Variants in PRKD2 observed in about 807,000 individuals in gnomAD.
PRKD2 encodes the protein protein kinase D2.
A neutral mutation model predicts 86.0 loss-of-function variants in PRKD2; 22 were observed. The ratio of observed to expected loss-of-function variants is 0.26; its 90% CI spans 0.18 to 0.37. The LOEUF is 0.37. Among genes scored for constraint, PRKD2 ranks in the 10% least tolerant of loss-of-function variants. The pLI, the probability that PRKD2 is intolerant of heterozygous loss-of-function variation, is 1.00. For synonymous variants in PRKD2, 509 were observed against 510.9 expected, an observed-to-expected ratio of 1.00 and a Z score of 0.05; for missense variants, 818 against 1,199.2, an observed-to-expected ratio of 0.68 and a Z score of 4.70.
chr19:46,704,771 C>T, intron 3 of PRKD2, 122 bp from the exon 4 acceptor site: 3 of 1,273,928 alleles, frequency 2.4e-6, no homozygotes, highest in East Asian at 2.5e-5. Flanking sequence ...CCCGCCAGCA[C>T]GATCTCCTCC....
chr19:46,710,101 G>C (rs56677284), intron 3 of PRKD2, among the ~76,000 whole-genome samples: 2,077 of 152,058 alleles, frequency 0.014, 50 homozygotes, highest in African/African-American at 0.047. Context: ...GTTTCACCAT[G>C]TTAGCCAGGA....
chr19:46,716,064 A>G lies in PRKD2; in HGVS notation c.240+67T>C. 1 of 1,581,532 alleles carries G rather than the reference A, an allele frequency of 6.3e-7. No individual in the cohort carries two copies. Among genetic ancestry groups the G allele is most frequent in the Admixed American group, 1.8e-5 (1 of 56,712 alleles). On this transcript the variant is annotated intron_variant, in intron 1 of 17. Coordinates refer to ENST00000291281, the MANE Select transcript of PRKD2 (RefSeq NM_016457.5). The surrounding 1 kb of genome is among the most constrained non-coding windows in gnomAD (Gnocchi z 7.9). ...CCCTCTTCCGCACACCAGGCCCCAGACCCCTCTGCCAGCGCCCCCTCCTTC... is the reference window on the plus strand; with the variant it reads ...CCCTCTTCCGCACACCAGGCCCCAGGCCCCTCTGCCAGCGCCCCCTCCTTC...
chr19:46,690,608 T>C lies in PRKD2; in HGVS notation c.1801A>G (p.Ile601Val). Residue 601 changes from isoleucine to valine, a missense_variant, in exon 13 of 18, where the codon ATT becomes GTT. Coordinates refer to ENST00000291281, the MANE Select transcript of PRKD2 (RefSeq NM_016457.5). ...QESQLRNEVA[I>V]LQSLRHPGIV... ...GGCGGCCTGGTGGTTACCTGCAGAA[T>C]GGCCACTTCATTCCGGAGCTGGCTC... is the stretch of plus-strand genomic sequence containing the variant. 6.2e-7 allele frequency: 1 copy of C among 1,614,130 alleles called. No homozygotes were observed. Among genetic ancestry groups the C allele is most frequent in the African/African-American group, 1.3e-5 (1 of 75,064 alleles).
intron 14 of PRKD2, among the ~76,000 whole-genome samples, chr19:46,683,358 G>A (rs1371560945): frequency 6.6e-6 from 1 of 152,040 alleles, no homozygotes; most frequent in Admixed American, 6.6e-5. Flanking sequence ...CTCCCAAAGT[G>A]CTGGGATTAT....
intron 10 of PRKD2, among the ~76,000 whole-genome samples, chr19:46,692,290 G>C (rs1403452770): frequency 6.6e-6 from 1 of 152,114 alleles, no homozygotes; most frequent in Non-Finnish European, 1.5e-5. Context: ...CTCAGCACCA[G>C]GGGAGGCAGA....
In PRKD2 at chr19:46,713,916, A is replaced by T; in HGVS notation, c.326T>A (p.Val109Glu). The change falls in exon 2 of 18, where the codon GTG becomes GAG. Residue 109 changes from valine (V) to glutamate (E), a missense_variant. Physicochemically the swap from Val to Glu is moderately radical, Grantham distance 121. Around this residue, in one of 5 missense-constraint regions of PRKD2, gnomAD observed 403 missense variants for 518.6 expected, o/e 0.78. Transcript: ENST00000291281. ...CTCCTGGATGTCTCCGGACGAGCGC[A>T]CCAGCTGCAGGAGGTTGGCCGACGT... is the stretch of plus-strand genomic sequence containing the variant. ...DPTSANLLQL[V>E]RSSGDIQEGD... The T allele has an allele frequency of 1.9e-6, 3 of 1,597,746 alleles. No homozygotes were observed. The highest frequency in any genetic ancestry group is 2.6e-6 in the Non-Finnish European group (3 of 1,170,942).
intron 5 of PRKD2, 142 bp from the exon 6 acceptor site, chr19:46,701,254 C>T (rs767308683): frequency 5.7e-6 from 5 of 880,792 alleles, no homozygotes; most frequent in African/African-American, 1.7e-5. Flanking sequence ...CTGCCCTGGT[C>T]ATTTTCCCAC....
chr19:46,675,102 G>A lies in PRKD2; in HGVS notation c.2355C>T (p.Asn785=), dbSNP rs2053177568. ...HISAGAIDLI[N]NLLQVKMRKR... ...TGCGCATCTTCACCTGCAGCAGGTT[G>A]TTGATGAGGTCAATGGCTGCACAGG... Residue 785 remains asparagine, a synonymous_variant, in exon 17 of 18, where the codon AAC becomes AAT. Transcript: ENST00000291281. The A allele has an allele frequency of 1.2e-6, 2 of 1,610,684 alleles. No individual in the cohort carries two copies. The highest frequency in any genetic ancestry group is 2.7e-5 in the African/African-American group (2 of 74,912).
At chr19:46,700,756 G>A (rs764051116) in intron 7 of PRKD2, 43 bp downstream of exon 7, 2 of 1,592,798 alleles carry the variant, frequency 1.3e-6, no homozygotes, top group Non-Finnish European at 1.7e-6. Flanking sequence ...TCACTGTGCA[G>A]GAGGGTCTTC....
In PRKD2 at chr19:46,674,683, C is replaced by T. The variant is rs771555628; in HGVS notation, c.2477G>A (p.Arg826Gln). 1.9e-6 allele frequency: 3 copies of T among 1,606,232 alleles called. No individual in the cohort carries two copies. The highest frequency in any genetic ancestry group is 4.5e-5 in the East Asian group (2 of 44,870). Residue 826 changes from arginine to glutamine, a missense_variant, in exon 18 of 18, where the codon CGA (arginine) becomes CAA (glutamine). Coordinates refer to ENST00000291281, the MANE Select transcript of PRKD2 (RefSeq NM_016457.5). ...GTCGTCACTCTCATGCGTGATGTATCGCTCTCCCATCTTCCCCTCCAGCTC... is the reference window on the plus strand; with the variant it reads ...GTCGTCACTCTCATGCGTGATGTATTGCTCTCCCATCTTCCCCTCCAGCTC... The part of the protein sequence containing the change: ...LRELEGKMGE[R>Q]YITHESDDAR...
chr19:46,674,945 T>C (rs45445792), intron 17 of PRKD2, 88 bp downstream of exon 17: 1 of 1,353,978 alleles, frequency 7.4e-7, no homozygotes, highest in Non-Finnish European at 1.0e-6. Flanking sequence ...GAAACCTACA[T>C]CCTTCACAAC....
chr19:46,704,975 G>A (rs1418085689), intron 3 of PRKD2, among the ~76,000 whole-genome samples: 1 of 148,434 alleles, frequency 6.7e-6, no homozygotes, highest in African/African-American at 2.5e-5. Flanking sequence ...CCCAGTTTCA[G>A]CTTGTAGCCC....
rs1382577477 is a variant in PRKD2, at chr19:46,678,693, C to A, written c.2071-30G>T. The A allele has an allele frequency of 1.1e-5, 18 of 1,590,526 alleles. No individual in the cohort carries two copies. Among genetic ancestry groups the A allele is most frequent in the Non-Finnish European group, 1.5e-5 (18 of 1,173,118 alleles). ...AGAGGGCAAGGGATGGAGGCTCCAC[C>A]AGGTGATGGAGCCGCACCCACCCCA... On this transcript the variant is annotated intron_variant, in intron 15 of 17. Transcript: ENST00000291281. This position sits in a 1 kb window ranked among gnomAD's most constrained non-coding sequence, Gnocchi z 5.7.
chr19:46,698,934 T>C (rs1469034673), intron 7 of PRKD2, among the ~76,000 whole-genome samples: 1 of 152,046 alleles, frequency 6.6e-6, no homozygotes, highest in African/African-American at 2.4e-5. Flanking sequence ...GGTCCAACTC[T>C]TGACAGTGTA....
chr19:46,681,615 T>C (rs1312125651), intron 15 of PRKD2, 35 bp downstream of exon 15: 5 of 671,116 alleles, frequency 7.5e-6, no homozygotes, highest in South Asian at 1.4e-5. Flanking sequence ...CAGTGTTGCC[T>C]GGATTTCCCC....
In PRKD2 at chr19:46,700,927, A is replaced by T. The variant is rs2053626396; in HGVS notation, c.993T>A (p.Asp331Glu). Residue 331 changes from aspartate to glutamate, a missense_variant, in exon 7 of 18, where the codon GAT (aspartate) becomes GAA (glutamate). Physicochemically the swap from Asp to Glu is conservative, Grantham distance 45. Coordinates refer to ENST00000291281, the MANE Select transcript of PRKD2 (RefSeq NM_016457.5). ...NGDVPMEEAT[D>E]FSEADKSALM... ...GGGCGCTCTTGTCAGCCTCGCTGAA[A>T]TCGGTGGCCTCCTCCATCGGCACAT... 1.2e-6 allele frequency: 2 copies of T among 1,614,174 alleles called. No homozygotes were observed. Among genetic ancestry groups the T allele is most frequent in the Non-Finnish European group, 1.7e-6 (2 of 1,180,020 alleles).
chr19:46,711,086 G>T, intron 2 of PRKD2, 48 bp from the exon 3 acceptor site: 1 of 1,535,424 alleles, frequency 6.5e-7, no homozygotes, highest in Non-Finnish European at 8.8e-7. Context: ...GTAGGCCAAA[G>T]CTTTTCCAGA....
chr19:46,680,517 G>A (rs1233020183), intron 15 of PRKD2, among the ~76,000 whole-genome samples: 2 of 151,990 alleles, frequency 1.3e-5, no homozygotes, highest in Non-Finnish European at 2.9e-5. Context: ...TCCAACTCCA[G>A]ACCTCAAGTG....
chr19:46,675,425 C>T (rs1163634816), intron 16 of PRKD2, among the ~76,000 whole-genome samples: 2 of 152,000 alleles, frequency 1.3e-5, no homozygotes, highest in African/African-American at 4.8e-5. Context: ...ACAATTACAC[C>T]TGTACTATTC....
Sources: gnomAD v4.1 joint callset for allele counts (sites outside exome capture counted in the v4.1 genomes callset) on GRCh38, gnomAD v4.1.1 for gene constraint, gnomAD v4.1.1 regional missense constraint, Gnocchi (gnomAD v3.1) non-coding constraint, MANE v1.5 for transcripts, NCBI Gene and HGNC (gene_info 2026-07-23, HGNC 2026-07-21) for gene names.